Variants in PXDNL observed in about 807,000 individuals in gnomAD.
PXDNL encodes the protein peroxidasin like.
A neutral mutation model predicts 150.8 loss-of-function variants in PXDNL; 145 were observed. That is an observed-to-expected ratio of 0.96 (90% CI 0.84 to 1.10). The LOEUF (loss-of-function observed/expected upper bound fraction) is 1.10, where lower values mean the gene tolerates loss of function less well. Ranked by LOEUF, PXDNL falls within the 50% of genes least tolerant of loss-of-function variation. PXDNL has a pLI of 0.00. For missense variants in PXDNL, 2,087 were observed against 1,873.9 expected (o/e 1.11, Z -2.10); for synonymous variants, 757 against 725.7 (o/e 1.04, Z -0.69).
At chr8:51,391,457 C>G (rs372066299) in intron 17 of PXDNL, among the ~76,000 whole-genome samples, 2,829 of 152,268 alleles carry the variant, frequency 0.019, 39 homozygotes, top group Non-Finnish European at 0.027. Flanking sequence ...GATGGTATCT[C>G]ATTGTGGTTT....
At position 51,608,015 on chromosome 8, in the gene PXDNL, AAG is replaced by A. The variant is rs201252691; in HGVS notation, c.237-15319_237-15318del. 1.1e-3 allele frequency among the ~76,000 whole-genome samples: 75 copies of A among 66,372 alleles called. 1 individual carries two copies. Among genetic ancestry groups the A allele is most frequent in the African/African-American group, 5.2e-3 (66 of 12,618 alleles). The allele number at this position is 66,372 out of a possible 152,430, so 43.5% of individuals were successfully genotyped here. ...AGAGGAAGGAAGGAAGAAAGAAAGAAAGAAAGAAAGAAAGAAAGAAAGAAAGA... is the reference window on the plus strand; with the variant it reads ...AGAGGAAGGAAGGAAGAAAGAAAGAAAAAGAAAGAAAGAAAGAAAGAAAGA... On this transcript the variant is annotated intron_variant, in intron 2 of 22. Coordinates refer to ENST00000356297, the MANE Select transcript of PXDNL (RefSeq NM_144651.5).
Position 51,483,704 on chromosome 8 carries a change from T to TA in PXDNL, c.462dup (p.Asn155Ter). 6.7e-7 allele frequency: 1 copy of TA among 1,489,212 alleles called. No individual in the cohort carries two copies. Among genetic ancestry groups the TA allele is most frequent in the South Asian group, 1.2e-5 (1 of 81,182 alleles). The allele number at this position is 1,489,212 out of a possible 1,614,324, so 92.2% of individuals were successfully genotyped here. A position where few individuals can be genotyped will look rare whatever the true frequency, so the allele number is the denominator to read the frequency against. ...GCTGGAATTTTAGATAATTTGTTGT[T>TA]ATGCAAAAATCTGAAAAAGAAAAGA... On this transcript the variant is annotated frameshift_variant, in exon 6 of 23. Coordinates refer to ENST00000356297, the MANE Select transcript of PXDNL (RefSeq NM_144651.5). LOFTEE classifies it high-confidence loss of function.
At chr8:51,494,812 A>C (rs138569979) in intron 5 of PXDNL, among the ~76,000 whole-genome samples, 47,582 of 150,408 alleles carry the variant, frequency 0.32, 8,363 homozygotes, top group African/African-American at 0.46. Flanking sequence ...GAGACTTAGA[A>C]TCCCACACAA....
At chr8:51,681,261 A>G (rs1410405754) in intron 1 of PXDNL, among the ~76,000 whole-genome samples, 1 of 151,960 alleles carries the variant, frequency 6.6e-6, no homozygotes, top group African/African-American at 2.4e-5. Flanking sequence ...TAACGCCACC[A>G]GTCACCCTAC....
intron 17 of PXDNL, among the ~76,000 whole-genome samples, chr8:51,378,491 A>G (rs1197276032): frequency 2.0e-5 from 3 of 152,234 alleles, no homozygotes; most frequent in Non-Finnish European, 4.4e-5. Flanking sequence ...TGGACCAATC[A>G]GCAGGATGTG....
chr8:51,325,792 G>T (rs370112018), intron 21 of PXDNL, among the ~76,000 whole-genome samples: 1 of 152,162 alleles, frequency 6.6e-6, no homozygotes, highest in Non-Finnish European at 1.5e-5. Flanking sequence ...CAGCCTCAAG[G>T]TGTCCTTAGG....
At chr8:51,584,145 T>G (rs1019388314) in intron 3 of PXDNL, among the ~76,000 whole-genome samples, 3 of 152,222 alleles carry the variant, frequency 2.0e-5, no homozygotes, top group Non-Finnish European at 4.4e-5. Context: ...GTCAGCATAT[T>G]CTTTCCTTGA....
intron 8 of PXDNL, among the ~76,000 whole-genome samples, chr8:51,463,141 T>C (rs1351501938): frequency 6.6e-6 from 1 of 152,048 alleles, no homozygotes; most frequent in Non-Finnish European, 1.5e-5. Context: ...GTTCTAAACA[T>C]GGAAACAAAA....
intron 19 of PXDNL, among the ~76,000 whole-genome samples, chr8:51,355,522 G>A (rs951230971): frequency 2.0e-5 from 3 of 152,150 alleles, no homozygotes; most frequent in African/African-American, 7.2e-5. Flanking sequence ...GTGGTATAGT[G>A]TCTTAGTACG....
rs1012189130 is a variant in PXDNL, at chr8:51,771,396, A to G, written c.164+37785T>C. Among the ~76,000 whole-genome samples the G allele has an allele frequency of 8.5e-5, 13 of 152,318 alleles. No individual in the cohort carries two copies. In the East Asian group the frequency reaches 2.5e-3, roughly 29 times the overall value. ...GAAGCTTATAATTTAGAGGAAAAAT[A>G]AACATTTAAATTATGAATAATGACA... On this transcript the variant is annotated intron_variant, in intron 1 of 22. Transcript: ENST00000356297.
intron 1 of PXDNL, among the ~76,000 whole-genome samples, chr8:51,672,279 G>A (rs1486700273): frequency 6.6e-6 from 1 of 152,202 alleles, no homozygotes; most frequent in South Asian, 2.1e-4. Flanking sequence ...ACCGTGCCTG[G>A]CTTCAAATCA....
At chr8:51,528,249 G>A (rs1355544109) in intron 4 of PXDNL, among the ~76,000 whole-genome samples, 1 of 151,404 alleles carries the variant, frequency 6.6e-6, no homozygotes, top group Non-Finnish European at 1.5e-5. Context: ...ACCAGCTAGT[G>A]TCATAAAGAT....
intron 17 of PXDNL, among the ~76,000 whole-genome samples, chr8:51,404,119 C>G (rs1459823194): frequency 6.6e-6 from 1 of 152,200 alleles, no homozygotes; most frequent in Non-Finnish European, 1.5e-5. Context: ...AGGAATGAAG[C>G]TGCATACCCT....
At chr8:51,704,171 A>G (rs910548723) in intron 1 of PXDNL, among the ~76,000 whole-genome samples, 6 of 152,222 alleles carry the variant, frequency 3.9e-5, no homozygotes, top group South Asian at 2.1e-4. Context: ...TCAATTTACC[A>G]TATAAATGTG....
intron 1 of PXDNL, among the ~76,000 whole-genome samples, chr8:51,761,021 G>C (rs2130997437): frequency 7.4e-6 from 1 of 135,222 alleles, no homozygotes; most frequent in East Asian, 2.1e-4. Context: ...ACAACGCCCG[G>C]CTAATTTTTT....
At chr8:51,615,834 C>T (rs1814118229) in intron 2 of PXDNL, among the ~76,000 whole-genome samples, 2 of 152,210 alleles carry the variant, frequency 1.3e-5, no homozygotes, top group African/African-American at 4.8e-5. Context: ...TGCATACATT[C>T]CTTGCTCCTC....
At chr8:51,777,774 G>A (rs904065254) in intron 1 of PXDNL, among the ~76,000 whole-genome samples, 1 of 152,122 alleles carries the variant, frequency 6.6e-6, no homozygotes, top group Non-Finnish European at 1.5e-5. Context: ...GTGGTAGTGG[G>A]CGCCTGTAAT....
intron 3 of PXDNL, among the ~76,000 whole-genome samples, chr8:51,580,178 C>A (rs952277717): frequency 6.6e-6 from 1 of 151,990 alleles, no homozygotes; most frequent in Admixed American, 6.6e-5. Context: ...GAAGCGAATG[C>A]AGCTATAAAA....
At chr8:51,674,182 A>T (rs1338037165) in intron 1 of PXDNL, among the ~76,000 whole-genome samples, 1 of 152,122 alleles carries the variant, frequency 6.6e-6, no homozygotes, top group Non-Finnish European at 1.5e-5. Flanking sequence ...CTCTTCCTCC[A>T]ACTATTGCTG....
Sources: allele counts gnomAD v4.1 joint callset (sites outside exome capture counted in the v4.1 genomes callset), GRCh38; gene constraint gnomAD v4.1.1; transcripts MANE v1.5; gene names NCBI Gene and HGNC (gene_info 2026-07-23, HGNC 2026-07-21).